Variants in THBS3 observed in about 807,000 individuals in gnomAD.
THBS3 encodes the protein thrombospondin 3, also known as thrombospondin-3.
In THBS3, 78 loss-of-function variants were observed where a neutral mutation model predicts 118.3. The observed-to-expected ratio is 0.66, with a 90% CI of 0.55 to 0.80. THBS3 has a LOEUF of 0.80. THBS3 is among the 30% of genes least tolerant of loss of function. The pLI is 0.00. For synonymous variants in THBS3, 427 were observed against 475.3 expected, an observed-to-expected ratio of 0.90 and a Z score of 1.32; for missense variants, 1,057 against 1,247.4, an observed-to-expected ratio of 0.85 and a Z score of 2.30.
chr1:155,200,881 G>A lies in THBS3; in HGVS notation c.1548+16C>T, dbSNP rs373318807. 5 of 1,613,942 alleles carry A rather than the reference G, an allele frequency of 3.1e-6. No individual in the cohort carries two copies. In the African/African-American group the frequency reaches 6.7e-5, roughly 22 times the overall value. ...GGGGAGAGGAGCTTCAAGGGGCAGG[G>A]CAGTCTGGGAGTCACCTCAACATTC... On this transcript the variant is annotated intron_variant, in intron 13 of 22. Coordinates refer to ENST00000368378, the MANE Select transcript of THBS3 (RefSeq NM_007112.5).
In THBS3 at chr1:155,195,767, C is replaced by A; in HGVS notation, c.*74G>T. The stretch of plus-strand genomic sequence containing the variant: ...GTTGGCTGAGGGGCTGTAGCTTAGA[C>A]CTCAGGGTCTCCAGGATGGACCCCA... On this transcript the variant is annotated 3_prime_UTR_variant, in exon 23 of 23. Coordinates refer to ENST00000368378, the MANE Select transcript of THBS3 (RefSeq NM_007112.5). 2 of 1,533,140 alleles carry A rather than the reference C, an allele frequency of 1.3e-6. No individual in the cohort carries two copies. Among genetic ancestry groups the A allele is most frequent in the Non-Finnish European group, 1.8e-6 (2 of 1,119,656 alleles). The allele number at this position is 1,533,140 out of a possible 1,614,324, so 95.0% of individuals were successfully genotyped here.
rs567801958 is a variant in THBS3 at position 155,195,879 on chromosome 1, CAA to C, written c.2831_2832del (p.Phe944Ter). ...TGGAGCAGCTGCCTCCGGAATGGCT[CAA>C]AGTCCTCAGGCACTGTGTCTGAAGA... Reference protein sequence around the residue: ...YRCNDTVPEDFEPFRRQLLQG... With the variant: ...YRCNDTVPEDXEPFRRQLLQG... On this transcript the variant is annotated frameshift_variant, in exon 23 of 23. Coordinates refer to ENST00000368378, the MANE Select transcript of THBS3 (RefSeq NM_007112.5). LOFTEE classifies it high-confidence loss of function. 2.2e-5 allele frequency: 35 copies of C among 1,613,988 alleles called. No homozygotes were observed. The highest frequency in any genetic ancestry group is 1.5e-5 in the Non-Finnish European group (18 of 1,180,028).
chr1:155,199,120 A>G (rs1284270627), intron 16 of THBS3, among the ~76,000 whole-genome samples: 1 of 149,992 alleles, frequency 6.7e-6, no homozygotes, highest in African/African-American at 2.5e-5. Flanking sequence ...ATCTCAAAAA[A>G]AAAAAGGAGG....
chr1:155,200,036 C>G lies in THBS3; in HGVS notation c.1786G>C (p.Asp596His), dbSNP rs745539234. Residue 596 changes from aspartate (D) to histidine (H), a missense_variant, in exon 15 of 23, where the codon GAT (aspartate) becomes CAT (histidine). Around this residue, in one of 3 missense-constraint regions of THBS3, gnomAD observed 544 missense variants for 715.6 expected, o/e 0.76. Coordinates refer to ENST00000368378, the MANE Select transcript of THBS3 (RefSeq NM_007112.5). The stretch of plus-strand genomic sequence containing the variant: ...ATTTCAGGGCAGCTGTCGCAAGCAT[C>G]TCCCACCCCGTCCTCATCCCTGTCT... ...QTDRDEDGVGDACDSCPEMSN... is the reference protein window; with the variant it reads ...QTDRDEDGVGHACDSCPEMSN... 1 of 1,603,628 alleles carries G rather than the reference C, an allele frequency of 6.2e-7. No individual in the cohort carries two copies. Among genetic ancestry groups the G allele is most frequent in the Non-Finnish European group, 8.5e-7 (1 of 1,174,018 alleles).
Position 155,197,185 on chromosome 1 carries a change from T to C in THBS3, c.2528A>G (p.Glu843Gly), listed in dbSNP as rs772626024. The stretch of plus-strand genomic sequence containing the variant: ...ATGCCACAGGGCATTTCGGAGGTGC[T>C]CACCTGGGCCAGACACTGATGTCAC... ...KAVTSVSGPG[E>G]HLRNALWHTG... Residue 843 changes from glutamate to glycine, a missense_variant, in exon 21 of 23, where the codon GAG (glutamate) becomes GGG (glycine). Transcript: ENST00000368378. This position sits in a 1 kb window ranked among gnomAD's most constrained non-coding sequence, Gnocchi z 5.0. 8.7e-6 allele frequency: 14 copies of C among 1,614,106 alleles called. No homozygotes were observed. Among genetic ancestry groups the C allele is most frequent in the Non-Finnish European group, 1.2e-5 (14 of 1,179,978 alleles).
At chr1:155,204,989 G>A (rs768128871) in intron 3 of THBS3, 32 bp from the exon 4 acceptor site, 1 of 1,613,696 alleles carries the variant, frequency 6.2e-7, no homozygotes, top group Non-Finnish European at 8.5e-7. Context: ...AAGGTGGGAA[G>A]GTCTACCAAC....
At position 155,197,377 on chromosome 1, in the gene THBS3, C is replaced by T; in HGVS notation, c.2499+86G>A. On this transcript the variant is annotated intron_variant, in intron 20 of 22. Coordinates refer to ENST00000368378, the MANE Select transcript of THBS3 (RefSeq NM_007112.5). This position sits in a 1 kb window ranked among gnomAD's most constrained non-coding sequence, Gnocchi z 5.0. ...CCAGATGTCTGGGTAAGAGGGTTCCCAGTCAAGCAGTGGGGGAGGCCCTGG... is the reference window on the plus strand; with the variant it reads ...CCAGATGTCTGGGTAAGAGGGTTCCTAGTCAAGCAGTGGGGGAGGCCCTGG... The T allele has an allele frequency of 3.2e-6, 5 of 1,548,460 alleles. No homozygotes were observed. The Admixed American group carries it at 5.2e-5, about 16-fold the overall frequency.
At position 155,205,328 on chromosome 1, in the gene THBS3, GGGA is replaced by G; in HGVS notation, c.287-15_287-13del. ...GTATCGCACCAGTACTGCCCAGGAG[GGGA>G]GATCAGTATGGGCGCTATCCCCCAC... On this transcript the variant is annotated splice_polypyrimidine_tract_variant and intron_variant, in intron 2 of 22. Coordinates refer to ENST00000368378, the MANE Select transcript of THBS3 (RefSeq NM_007112.5). 1 of 1,611,800 alleles carries G rather than the reference GGGA, an allele frequency of 6.2e-7. No homozygotes were observed. Among genetic ancestry groups the G allele is most frequent in the Non-Finnish European group, 8.5e-7 (1 of 1,178,572 alleles).
At position 155,197,670 on chromosome 1, in the gene THBS3, G is replaced by A. The variant is rs768377827; in HGVS notation, c.2303-11C>T. ...TGAAGGCCGTGTATCCTGGGGTGGG[G>A]GTGGGATAAAGGTCAGGGGCAGCAA... On this transcript the variant is annotated splice_polypyrimidine_tract_variant and intron_variant, in intron 19 of 22. Transcript: ENST00000368378. This position sits in a 1 kb window ranked among gnomAD's most constrained non-coding sequence, Gnocchi z 5.0. 1 of 1,594,372 alleles carries A rather than the reference G, an allele frequency of 6.3e-7. No individual in the cohort carries two copies. Among genetic ancestry groups the A allele is most frequent in the Non-Finnish European group, 8.6e-7 (1 of 1,162,648 alleles).
At chr1:155,205,941 T>G (rs1330075017) in intron 2 of THBS3, among the ~76,000 whole-genome samples, 1 of 152,244 alleles carries the variant, frequency 6.6e-6, no homozygotes. Flanking sequence ...TGCCTCACCC[T>G]CCTTCCAGGC....
rs1017118519 is a variant in THBS3, at chr1:155,202,049, T to C, written c.1099-15A>G. 1.9e-6 allele frequency: 3 copies of C among 1,613,938 alleles called. No homozygotes were observed. Among genetic ancestry groups the C allele is most frequent in the African/African-American group, 2.7e-5 (2 of 74,912 alleles). ...TCATTGCAGACCTGAAGGGGCAGAC[T>C]TTGGGTGGAACCAGACCTATGGTGG... On this transcript the variant is annotated splice_polypyrimidine_tract_variant and intron_variant, in intron 9 of 22. Transcript: ENST00000368378. This position sits in a 1 kb window ranked among gnomAD's most constrained non-coding sequence, Gnocchi z 5.5.
upstream of THBS3, among the ~76,000 whole-genome samples, chr1:155,208,149 T>C (rs1279106233): frequency 6.6e-6 from 1 of 152,134 alleles, no homozygotes; most frequent in South Asian, 2.1e-4. Context: ...GCAGTCATCA[T>C]TGTTGGGGGT....
Position 155,205,206 on chromosome 1 carries a change from A to G in THBS3, c.397T>C (p.Ser133Pro), listed in dbSNP as rs780246948. The G allele has an allele frequency of 6.2e-7, 1 of 1,614,056 alleles. No individual in the cohort carries two copies. The highest frequency in any genetic ancestry group is 1.3e-5 in the African/African-American group (1 of 74,936). ...HTVLLRLRGP[S>P]RPSPALHLYV... ...AGATGTAGGGCAGGGCTGGGTCTGG[A>G]GGGACCTCGGAGTCGCAGGAGAACT... Residue 133 changes from serine to proline, a missense_variant, in exon 3 of 23, where the codon TCC becomes CCC. By Grantham distance (74) the Ser-to-Pro change is moderately conservative. Coordinates refer to ENST00000368378, the MANE Select transcript of THBS3 (RefSeq NM_007112.5).
In THBS3 at chr1:155,202,853, CA is replaced by C. The variant is rs1463468783; in HGVS notation, c.915del (p.Gly306AlafsTer180). On this transcript the variant is annotated frameshift_variant, in exon 8 of 23. Transcript: ENST00000368378. LOFTEE classifies it high-confidence loss of function. The surrounding 1 kb of genome is among the most constrained non-coding windows in gnomAD (Gnocchi z 5.5). The part of the protein sequence containing the change: ...YPGYRCGPCP[P>X]GLQGNGTHCS... ...CAGTGGGTGCCGTTGCCCTGCAGGC[CA>C]GGGGGGCAGGGCCCACAGCGGTAGC... The C allele has an allele frequency of 1.9e-6, 3 of 1,613,484 alleles. No homozygotes were observed. In the African/African-American group the frequency reaches 4.0e-5, roughly 22 times the overall value.
rs376635006 is a variant in THBS3, at chr1:155,206,790, C to T, written c.80-384G>A. Among the ~76,000 whole-genome samples the T allele has an allele frequency of 2.6e-5, 4 of 151,976 alleles. No individual in the cohort carries two copies. The highest frequency in any genetic ancestry group is 2.1e-4 in the South Asian group (1 of 4,814). ...CTGAGAGGTGGAGGTTGCAGTGAGCCGAGATCGCGCCATTGCACTCCAGCC... is the reference window on the plus strand; with the variant it reads ...CTGAGAGGTGGAGGTTGCAGTGAGCTGAGATCGCGCCATTGCACTCCAGCC... On this transcript the variant is annotated intron_variant, in intron 1 of 22. Transcript: ENST00000368378. This position sits in a 1 kb window ranked among gnomAD's most constrained non-coding sequence, Gnocchi z 4.2.
chr1:155,205,448 C>T (rs1035781142), intron 2 of THBS3, 132 bp from the exon 3 acceptor site: 55 of 1,230,552 alleles, frequency 4.5e-5, no homozygotes, highest in Non-Finnish European at 5.1e-5. Context: ...GCTCTCAACA[C>T]CTTGTATTTA....
Position 155,206,222 on chromosome 1 carries a change from A to G in THBS3, c.264T>C (p.Ser88=). The G allele has an allele frequency of 6.2e-7, 1 of 1,614,154 alleles. No individual in the cohort carries two copies. Among genetic ancestry groups the G allele is most frequent in the Non-Finnish European group, 8.5e-7 (1 of 1,180,024 alleles). ...RQDNTRWLEA[S]VVGKINKVLV... is the part of the protein sequence containing the mutation. ...CACCTTTGTTGATCTTGCCTACAAC[A>G]GAGGCCTCCAGCCATCGAGTGTTGT... The change falls in exon 2 of 23, where the codon TCT becomes TCC. Residue 88 remains serine, a synonymous_variant. Coordinates refer to ENST00000368378, the MANE Select transcript of THBS3 (RefSeq NM_007112.5). This position sits in a 1 kb window ranked among gnomAD's most constrained non-coding sequence, Gnocchi z 4.2.
chr1:155,205,923 CAG>C (rs1670482151), intron 2 of THBS3, among the ~76,000 whole-genome samples: 2 of 152,210 alleles, frequency 1.3e-5, no homozygotes, highest in African/African-American at 4.8e-5. Flanking sequence ...CGCTGAGGCA[CAG>C]AGACATGCCT....
rs753955880 is a variant in THBS3 at position 155,205,172 on chromosome 1, T to C, written c.431A>G (p.Asp144Gly). 1 of 1,614,180 alleles carries C rather than the reference T, an allele frequency of 6.2e-7. No individual in the cohort carries two copies. Among genetic ancestry groups the C allele is most frequent in the South Asian group, 1.1e-5 (1 of 91,084 alleles). ...RPSPALHLYV[D>G]CKLGDQHAGL... ...TGCATGTTGGTCACCCAGTTTGCAG[T>C]CCACGTAGAGATGTAGGGCAGGGCT... Residue 144 changes from aspartate to glycine, a missense_variant, in exon 3 of 23, where the codon GAC becomes GGC. Around this residue, in one of 3 missense-constraint regions of THBS3, gnomAD observed 206 missense variants for 205.7 expected, o/e 1.00. Coordinates refer to ENST00000368378, the MANE Select transcript of THBS3 (RefSeq NM_007112.5).
Sources: allele counts gnomAD v4.1 joint callset (sites outside exome capture counted in the v4.1 genomes callset), GRCh38; gene constraint gnomAD v4.1.1; regional missense constraint gnomAD v4.1.1; non-coding constraint Gnocchi (gnomAD v3.1); transcripts MANE v1.5; gene names NCBI Gene and HGNC (gene_info 2026-07-23, HGNC 2026-07-21).